Variants in THADA observed in about 807,000 individuals in gnomAD.
The protein encoded by THADA is tRNA (32-2'-O)-methyltransferase regulator THADA.
THADA carries 213 observed loss-of-function variants against 219.8 expected under a neutral mutation model. The observed-to-expected ratio is 0.97, with a 90% CI of 0.87 to 1.09. The LOEUF (loss-of-function observed/expected upper bound fraction) is 1.09, where lower values mean the gene tolerates loss of function less well. THADA is among the 50% of genes least tolerant of loss of function. THADA has a pLI of 0.00. For synonymous variants in THADA, 1,018 were observed against 828.9 expected (o/e 1.23, Z -3.92); for missense variants, 2,956 against 2,311.3 (o/e 1.28, Z -5.72).
chr2:43,263,841 A>C (rs374923098), intron 36 of THADA, among the ~76,000 whole-genome samples: 1 of 152,114 alleles, frequency 6.6e-6, no homozygotes, highest in African/African-American at 2.4e-5. Context: ...CATCACCTAG[A>C]TATTAAGCCC....
chr2:43,573,735 A>T (rs1484860445), intron 11 of THADA, among the ~76,000 whole-genome samples: 1 of 152,206 alleles, frequency 6.6e-6, no homozygotes, highest in African/African-American at 2.4e-5. Flanking sequence ...GCTTTGTTAA[A>T]CAGAATGTAA....
chr2:43,488,311 A>C (rs1687161903), intron 25 of THADA, among the ~76,000 whole-genome samples: 1 of 152,212 alleles, frequency 6.6e-6, no homozygotes, highest in East Asian at 1.9e-4. Context: ...TTACCTCAAA[A>C]TGAAACTCGG....
chr2:43,578,699 G>A, intron 8 of THADA, 92 bp from the exon 9 acceptor site: 1 of 816,056 alleles, frequency 1.2e-6, no homozygotes, highest in Non-Finnish European at 1.9e-6. Context: ...GATAGGCCTG[G>A]GTACAATTTC....
intron 26 of THADA, among the ~76,000 whole-genome samples, chr2:43,434,320 G>A (rs1361107038): frequency 6.6e-6 from 1 of 152,218 alleles, no homozygotes; most frequent in African/African-American, 2.4e-5. Flanking sequence ...AAGAGGGCAG[G>A]GAAGTGCTGG....
intron 21 of THADA, among the ~76,000 whole-genome samples, chr2:43,540,781 T>C (rs561259255): frequency 1.3e-5 from 2 of 152,326 alleles, no homozygotes; most frequent in South Asian, 4.1e-4. Flanking sequence ...AGATCCATAA[T>C]CAACCAACAT....
intron 36 of THADA, among the ~76,000 whole-genome samples, chr2:43,241,778 C>T (rs1377295813): frequency 1.3e-5 from 2 of 151,990 alleles, no homozygotes; most frequent in African/African-American, 4.8e-5. Flanking sequence ...CCTCCCATCG[C>T]GCGCCTTTCA....
chr2:43,319,429 C>T (rs1253329380), intron 31 of THADA, among the ~76,000 whole-genome samples: 4 of 152,136 alleles, frequency 2.6e-5, no homozygotes, highest in Admixed American at 6.5e-5. Context: ...GAGTCTAGCA[C>T]GTTCTTATTA....
At chr2:43,354,502 C>G (rs912584138) in intron 29 of THADA, among the ~76,000 whole-genome samples, 2 of 151,176 alleles carry the variant, frequency 1.3e-5, no homozygotes, top group Non-Finnish European at 2.9e-5. Context: ...CATTAACTAT[C>G]CCCCTTTCCT....
intron 20 of THADA, among the ~76,000 whole-genome samples, chr2:43,543,209 A>AT (rs1291584880): frequency 1.4e-5 from 2 of 143,350 alleles, no homozygotes; most frequent in African/African-American, 2.7e-5. Flanking sequence ...TGAACTCATC[A>AT]TTTTTTATGG....
At chr2:43,514,881 G>GTATAATAA (rs1558889282) in intron 22 of THADA, among the ~76,000 whole-genome samples, 2 of 58,434 alleles carry the variant, frequency 3.4e-5, no homozygotes, top group African/African-American at 1.9e-4. Flanking sequence ...TGTATAATAT[G>GTATAATAA]TATAATATAT....
intron 36 of THADA, among the ~76,000 whole-genome samples, chr2:43,268,481 G>A (rs1671777037): frequency 6.6e-6 from 1 of 152,152 alleles, no homozygotes; most frequent in Non-Finnish European, 1.5e-5. Context: ...GCCCATGAGA[G>A]GTCTTGCCAT....
chr2:43,432,403 A>G (rs895809762), intron 26 of THADA, among the ~76,000 whole-genome samples: 6 of 151,044 alleles, frequency 4.0e-5, no homozygotes, highest in Non-Finnish European at 7.4e-5. Flanking sequence ...GTATTCCATT[A>G]TATGAATCTG....
At position 43,573,020 on chromosome 2, in the gene THADA, C is replaced by T. The variant is rs371411775; in HGVS notation, c.1730-28G>A. On this transcript the variant is annotated intron_variant, in intron 11 of 37. Transcript: ENST00000405975. ...GAAAGCACAATAACAAAGACCATTA[C>T]TGTATTATGCAATGACTACTATAAT... The T allele has an allele frequency of 4.4e-6, 7 of 1,580,624 alleles. No homozygotes were observed. The South Asian group carries it at 6.9e-5, about 16-fold the overall frequency.
At chr2:43,339,851 T>C (rs13411629) in intron 30 of THADA, among the ~76,000 whole-genome samples, 22,309 of 152,074 alleles carry the variant, frequency 0.15, 1,970 homozygotes, top group African/African-American at 0.24. Context: ...CCAGCTTACT[T>C]GGAAGACTCT....
chr2:43,248,608 T>C, intron 36 of THADA, among the ~76,000 whole-genome samples: 1 of 152,212 alleles, frequency 6.6e-6, no homozygotes, highest in East Asian at 1.9e-4. Context: ...TGAAATGAAT[T>C]AATGTTCATA....
intron 34 of THADA, among the ~76,000 whole-genome samples, chr2:43,288,623 T>A (rs188139485): frequency 1.3e-5 from 2 of 152,296 alleles, no homozygotes; most frequent in African/African-American, 4.8e-5. Context: ...GGTGTGCCAC[T>A]CTCCTGGCAC....
Position 43,453,429 on chromosome 2 carries a change from G to A in THADA, c.3837-23127C>T, listed in dbSNP as rs1180582788. ...GTAGAGTTGTGAAAAGAACATTTTG[G>A]ACATCTTAGCCATTTGTTTTTTTGA... On this transcript the variant is annotated intron_variant, in intron 26 of 37. Coordinates refer to ENST00000405975, the MANE Select transcript of THADA (RefSeq NM_022065.5). Among the ~76,000 whole-genome samples the A allele has an allele frequency of 2.0e-5, 3 of 152,258 alleles. 1 individual carries two copies. Among genetic ancestry groups the A allele is most frequent in the East Asian group, 3.9e-4 (2 of 5,186 alleles).
chr2:43,382,540 G>GA (rs1220875787), intron 29 of THADA, among the ~76,000 whole-genome samples: 3 of 152,244 alleles, frequency 2.0e-5, no homozygotes, highest in East Asian at 3.9e-4. Context: ...CCAAGCAAAA[G>GA]AGAGTTGGTG....
intron 28 of THADA, among the ~76,000 whole-genome samples, chr2:43,409,282 C>A (rs1028767911): frequency 6.6e-6 from 1 of 151,912 alleles, no homozygotes; most frequent in South Asian, 2.1e-4. Context: ...ACACTTCAAG[C>A]TAAAACCAGA....
Sources: gnomAD v4.1 joint callset for allele counts (sites outside exome capture counted in the v4.1 genomes callset) on GRCh38, gnomAD v4.1.1 for gene constraint, MANE v1.5 for transcripts, NCBI Gene and HGNC (gene_info 2026-07-23, HGNC 2026-07-21) for gene names.